The following MCUB variants were observed in gnomAD, a reference collection of about 807,000 sequenced individuals.
The protein encoded by MCUB is mitochondrial calcium uniporter dominant negative subunit beta.
A neutral mutation model predicts 41.4 loss-of-function variants in MCUB; 46 were observed. The observed-to-expected ratio is 1.11, with a 90% CI of 0.88 to 1.42. MCUB has a LOEUF of 1.42. Ranked by LOEUF, MCUB falls within the 40% of genes most tolerant of loss-of-function variation. MCUB has a pLI of 0.00. For missense variants in MCUB, 403 were observed against 404.9 expected (o/e 1.00, Z 0.04); for synonymous variants, 148 against 148.2 (o/e 1.00, Z 0.01).
In MCUB at chr4:109,637,009, A is replaced by C. The variant is rs911696227; in HGVS notation, c.100-22002A>C. ...AGAAGCCAGATTGCAATGGGTCAGGAATGTGTGAAAGATGAGGAGATAGAG... is the reference window on the plus strand; with the variant it reads ...AGAAGCCAGATTGCAATGGGTCAGGCATGTGTGAAAGATGAGGAGATAGAG... On this transcript the variant is annotated intron_variant, in intron 1 of 7. Transcript: ENST00000394650. Among the ~76,000 whole-genome samples, 3 of 152,162 alleles carry C rather than the reference A, an allele frequency of 2.0e-5. No homozygotes were observed. The South Asian group carries it at 6.2e-4, about 32-fold the overall frequency.
At chr4:109,567,131 C>CAAAAAA (rs397994929) in intron 1 of MCUB, among the ~76,000 whole-genome samples, 1 of 55,980 alleles carries the variant, frequency 1.8e-5, no homozygotes, top group Admixed American at 2.0e-4. Flanking sequence ...GACTCCATCT[C>CAAAAAA]AAAAAAAAAA....
intron 1 of MCUB, among the ~76,000 whole-genome samples, chr4:109,594,615 C>T (rs1196463201): frequency 6.6e-5 from 10 of 151,682 alleles, no homozygotes; most frequent in African/African-American, 2.2e-4. Context: ...GCCAAGATTG[C>T]GCCACTGCAC....
intron 1 of MCUB, among the ~76,000 whole-genome samples, chr4:109,636,908 A>G (rs1462484169): frequency 6.6e-6 from 1 of 152,232 alleles, no homozygotes; most frequent in African/African-American, 2.4e-5. Flanking sequence ...AAGGTCAGCA[A>G]TGAAAAGCTT....
chr4:109,669,398 C>G (rs558022052), intron 4 of MCUB, among the ~76,000 whole-genome samples: 2 of 151,684 alleles, frequency 1.3e-5, no homozygotes, highest in East Asian at 1.9e-4. Flanking sequence ...TTTTTTTTCT[C>G]TGCTATAGCT....
At chr4:109,670,188 C>G (rs1211922370) in intron 4 of MCUB, among the ~76,000 whole-genome samples, 2 of 152,090 alleles carry the variant, frequency 1.3e-5, no homozygotes, top group East Asian at 3.9e-4. Flanking sequence ...GTTCTGTAGT[C>G]CTATGATTAA....
At chr4:109,590,954 G>A (rs1156419132) in intron 1 of MCUB, among the ~76,000 whole-genome samples, 1 of 152,136 alleles carries the variant, frequency 6.6e-6, no homozygotes, top group East Asian at 1.9e-4. Flanking sequence ...ACCCACATTT[G>A]CAATTAGTTT....
intron 4 of MCUB, among the ~76,000 whole-genome samples, chr4:109,664,926 A>G (rs182179390): frequency 1.4e-4 from 19 of 138,984 alleles, no homozygotes; most frequent in Non-Finnish European, 2.5e-4. Context: ...ACATGATTGT[A>G]TAGCTCTTAA....
chr4:109,590,589 C>T (rs77147095), intron 1 of MCUB, among the ~76,000 whole-genome samples: 172 of 152,300 alleles, frequency 1.1e-3, no homozygotes, highest in African/African-American at 3.8e-3. Flanking sequence ...AGCGGACTTC[C>T]ATGCACTCCT....
intron 1 of MCUB, among the ~76,000 whole-genome samples, chr4:109,642,893 A>ATT (rs34076028): frequency 0.022 from 2,432 of 111,064 alleles, 96 homozygotes; most frequent in African/African-American, 0.075. Flanking sequence ...TCTCAGCTAG[A>ATT]TTTTTTTTTT....
chr4:109,678,877 A>G (rs1188882908), intron 4 of MCUB, among the ~76,000 whole-genome samples: 94 of 73,902 alleles, frequency 1.3e-3, no homozygotes, highest in Middle Eastern at 0.013. Context: ...CCGGGCAGAG[A>G]CACTCCCCAC....
intron 1 of MCUB, among the ~76,000 whole-genome samples, chr4:109,645,484 C>T (rs1412718225): frequency 1.3e-5 from 2 of 150,058 alleles, no homozygotes; most frequent in African/African-American, 2.5e-5. Context: ...GATTTAAAGA[C>T]CTCTATTGCA....
At chr4:109,633,659 G>A (rs1291998998) in intron 1 of MCUB, among the ~76,000 whole-genome samples, 1 of 152,110 alleles carries the variant, frequency 6.6e-6, no homozygotes. Context: ...TGATTTGCAC[G>A]ACTTGAATAG....
In MCUB at chr4:109,661,561, T is replaced by C. The variant is rs367790057; in HGVS notation, c.346+1196T>C. Among the ~76,000 whole-genome samples the C allele has an allele frequency of 1.2e-4, 19 of 152,256 alleles. No homozygotes were observed. The East Asian group carries it at 2.5e-3, about 20-fold the overall frequency. On this transcript the variant is annotated intron_variant, in intron 3 of 7. Coordinates refer to ENST00000394650, the MANE Select transcript of MCUB (RefSeq NM_017918.5). ...AAAGGGATAAAAACTCCTGCCCTTA[T>C]GGAGCTTATATTTAGGAGGAGAAAA...
At chr4:109,658,680 T>G (rs2107051) in intron 1 of MCUB, among the ~76,000 whole-genome samples, 41,338 of 152,058 alleles carry the variant, frequency 0.27, 6,305 homozygotes, top group East Asian at 0.47. Context: ...CTAGATATAC[T>G]TATGTCCATT....
At chr4:109,679,763 T>C (rs1729673729) in intron 4 of MCUB, among the ~76,000 whole-genome samples, 1 of 152,144 alleles carries the variant, frequency 6.6e-6, no homozygotes, top group Non-Finnish European at 1.5e-5. Flanking sequence ...ATTATGAACT[T>C]TCTCTCCCGC....
chr4:109,622,816 C>T (rs1728278876), intron 1 of MCUB, among the ~76,000 whole-genome samples: 1 of 152,076 alleles, frequency 6.6e-6, no homozygotes, highest in Non-Finnish European at 1.5e-5. Flanking sequence ...TTGATCTGTT[C>T]CTGGGTTAGC....
chr4:109,625,226 T>C (rs562879906), intron 1 of MCUB, among the ~76,000 whole-genome samples: 10 of 152,282 alleles, frequency 6.6e-5, no homozygotes, highest in African/African-American at 2.4e-4. Flanking sequence ...TTAACAAGTA[T>C]CGATGCCCCA....
chr4:109,603,148 C>T (rs114476853), intron 1 of MCUB, among the ~76,000 whole-genome samples: 3 of 152,204 alleles, frequency 2.0e-5, no homozygotes, highest in Non-Finnish European at 4.4e-5. Flanking sequence ...CCTCTGTTAC[C>T]GAGGCTGGAC....
At chr4:109,581,706 A>G (rs923307520) in intron 1 of MCUB, among the ~76,000 whole-genome samples, 8 of 152,228 alleles carry the variant, frequency 5.3e-5, no homozygotes, top group African/African-American at 1.9e-4. Context: ...ACCCCATCAA[A>G]AAGTGGGTGA....
Sources: allele counts gnomAD v4.1 joint callset (sites outside exome capture counted in the v4.1 genomes callset), GRCh38; gene constraint gnomAD v4.1.1; transcripts MANE v1.5; gene names NCBI Gene and HGNC (gene_info 2026-07-23, HGNC 2026-07-21).